Variants in RBFOX1 observed in about 807,000 individuals in gnomAD.
RBFOX1 encodes the protein RNA binding protein fox-1 homolog 1.
A neutral mutation model predicts 57.7 loss-of-function variants in RBFOX1; 8 were observed. That is an observed-to-expected ratio of 0.14 (90% CI 0.08 to 0.25). The LOEUF is 0.25. Among genes scored for constraint, RBFOX1 ranks in the 10% least tolerant of loss-of-function variants. RBFOX1 has a pLI of 1.00. For synonymous variants in RBFOX1, 326 were observed against 222.4 expected, an observed-to-expected ratio of 1.47 and a Z score of -4.15; for missense variants, 611 against 548.5, an observed-to-expected ratio of 1.11 and a Z score of -1.14.
intron 2 of RBFOX1, among the ~76,000 whole-genome samples, chr16:5,584,570 C>G (rs564478777): frequency 6.6e-5 from 10 of 152,320 alleles, no homozygotes; most frequent in African/African-American, 2.4e-4. Flanking sequence ...CCTTCAGCTT[C>G]TGTTTTCTGG....
At chr16:5,644,992 T>A (rs1369804975) in intron 3 of RBFOX1, among the ~76,000 whole-genome samples, 1 of 151,936 alleles carries the variant, frequency 6.6e-6, no homozygotes, top group East Asian at 1.9e-4. Context: ...TCCCAGCACT[T>A]TGGGAGGCTG....
intron 2 of RBFOX1, among the ~76,000 whole-genome samples, chr16:6,424,304 G>A (rs1443577178): frequency 6.6e-6 from 1 of 152,132 alleles, no homozygotes; most frequent in African/African-American, 2.4e-5. Flanking sequence ...GCATTAAGGA[G>A]GCAGTCTAAG....
chr16:7,180,220 T>C (rs1394693982), intron 4 of RBFOX1, among the ~76,000 whole-genome samples: 3 of 152,218 alleles, frequency 2.0e-5, no homozygotes, highest in African/African-American at 7.2e-5. Flanking sequence ...GCATTTACTG[T>C]ATTTCAGATA....
chr16:6,532,313 C>G (rs1362334), intron 2 of RBFOX1, among the ~76,000 whole-genome samples: 140,976 of 152,162 alleles, frequency 0.93, 66,131 homozygotes, highest in Non-Finnish European at 1. Context: ...AACCAGTGAG[C>G]AAGTGATCTC....
chr16:6,466,520 C>T (rs2095053906), intron 2 of RBFOX1, among the ~76,000 whole-genome samples: 1 of 152,106 alleles, frequency 6.6e-6, no homozygotes, highest in Non-Finnish European at 1.5e-5. Flanking sequence ...CAGAATTCAA[C>T]CTTAGATATG....
chr16:7,662,291 C>G (rs2067963937), intron 12 of RBFOX1, among the ~76,000 whole-genome samples: 1 of 152,204 alleles, frequency 6.6e-6, no homozygotes, highest in South Asian at 2.1e-4. Flanking sequence ...GCTGTCTAGT[C>G]TCTTGCCCTG....
chr16:7,095,618 A>G (rs1022071684), intron 4 of RBFOX1, among the ~76,000 whole-genome samples: 2 of 152,212 alleles, frequency 1.3e-5, no homozygotes, highest in African/African-American at 2.4e-5. Flanking sequence ...GGATGTCATG[A>G]TACATACCAG....
chr16:6,170,697 A>C (rs1032052385), intron 1 of RBFOX1, among the ~76,000 whole-genome samples: 1 of 152,070 alleles, frequency 6.6e-6, no homozygotes, highest in African/African-American at 2.4e-5. Context: ...TCACCCAAGT[A>C]CTAAGCTTAG....
chr16:5,946,163 T>G lies in RBFOX1; in HGVS notation c.351+78828T>G, dbSNP rs2059396149. On this transcript the variant is annotated intron_variant, in intron 4 of 19. Transcript: ENST00000641259. The surrounding 1 kb of genome is among the most constrained non-coding windows in gnomAD (Gnocchi z 4.6). ...CCACTCCTGTCCTAACATGGCAGGA[T>G]GTGATGGAAAGTGCACAGACGGCCC... is the stretch of plus-strand genomic sequence containing the variant. Among the ~76,000 whole-genome samples the G allele has an allele frequency of 6.6e-6, 1 of 152,166 alleles. No homozygotes were observed. Among genetic ancestry groups the G allele is most frequent in the Non-Finnish European group, 1.5e-5 (1 of 68,028 alleles).
At chr16:6,534,818 C>T (rs2096713340) in intron 2 of RBFOX1, among the ~76,000 whole-genome samples, 1 of 152,050 alleles carries the variant, frequency 6.6e-6, no homozygotes, top group Non-Finnish European at 1.5e-5. Flanking sequence ...TGGCAAAACA[C>T]CATGGAACTG....
chr16:5,392,456 C>G (rs2066438135), intron 1 of RBFOX1, among the ~76,000 whole-genome samples: 1 of 151,854 alleles, frequency 6.6e-6, no homozygotes, highest in African/African-American at 2.4e-5. Context: ...AAATTCTAAA[C>G]ATAACATTTT....
At chr16:6,853,851 G>C (rs748310324) in intron 3 of RBFOX1, among the ~76,000 whole-genome samples, 1 of 152,146 alleles carries the variant, frequency 6.6e-6, no homozygotes, top group African/African-American at 2.4e-5. Context: ...GGTGACAAAT[G>C]ATGAGTATGG....
At chr16:5,417,250 T>G (rs1186528466) in intron 1 of RBFOX1, among the ~76,000 whole-genome samples, 1 of 152,214 alleles carries the variant, frequency 6.6e-6, no homozygotes, top group Non-Finnish European at 1.5e-5. Flanking sequence ...AGGGTTCCCC[T>G]ACTCCCTGTT....
intron 2 of RBFOX1, among the ~76,000 whole-genome samples, chr16:6,340,083 G>C (rs1264694227): frequency 6.6e-6 from 1 of 152,216 alleles, no homozygotes; most frequent in Admixed American, 6.5e-5. Flanking sequence ...CTTTCAGTTA[G>C]AAGGAAGTGG....
chr16:6,868,542 G>A (rs922053138), intron 3 of RBFOX1, among the ~76,000 whole-genome samples: 2 of 152,018 alleles, frequency 1.3e-5, no homozygotes, highest in Non-Finnish European at 2.9e-5. Context: ...TATGATAACG[G>A]CTCACTGCAA....
chr16:6,108,623 G>A (rs1459106098), intron 1 of RBFOX1, among the ~76,000 whole-genome samples: 1 of 152,160 alleles, frequency 6.6e-6, no homozygotes, highest in Non-Finnish European at 1.5e-5. Context: ...TGGTGGCTTA[G>A]CACGACATTT....
intron 4 of RBFOX1, among the ~76,000 whole-genome samples, chr16:7,280,185 G>GA (rs761041595): frequency 1.2e-4 from 19 of 152,212 alleles, no homozygotes; most frequent in Non-Finnish European, 2.5e-4. Flanking sequence ...TGTACACCTT[G>GA]ACTAAATTCA....
chr16:6,613,965 G>A (rs892350524), intron 2 of RBFOX1, among the ~76,000 whole-genome samples: 3 of 152,058 alleles, frequency 2.0e-5, no homozygotes, highest in African/African-American at 4.8e-5. Flanking sequence ...AAAGAAGATA[G>A]ATTCAGATAC....
At chr16:5,516,940 A>G (rs2043813762) in intron 2 of RBFOX1, among the ~76,000 whole-genome samples, 1 of 150,864 alleles carries the variant, frequency 6.6e-6, no homozygotes, top group African/African-American at 2.4e-5. Context: ...AGTCTCAGGT[A>G]TTTCTTAATA....
Sources: allele counts gnomAD v4.1 joint callset (sites outside exome capture counted in the v4.1 genomes callset), GRCh38; gene constraint gnomAD v4.1.1; non-coding constraint Gnocchi (gnomAD v3.1); transcripts MANE v1.5; gene names NCBI Gene and HGNC (gene_info 2026-07-23, HGNC 2026-07-21).